GPR158: variants seen among roughly 807,000 people sequenced by gnomAD.
GPR158 encodes G protein-coupled receptor 158.
Under a neutral mutation model 78.2 loss-of-function variants are expected in GPR158, and 30 were observed. That is an observed-to-expected ratio of 0.38 (90% CI 0.29 to 0.52). GPR158 has a LOEUF of 0.52. Ranked by LOEUF, GPR158 falls within the 20% of genes least tolerant of loss-of-function variation. The pLI is 0.83. For synonymous variants in GPR158, 581 were observed against 591.1 expected (o/e 0.98, Z 0.25); for missense variants, 1,463 against 1,523.5 (o/e 0.96, Z 0.66).
At chr10:25,304,606 G>T (rs573517574) in intron 2 of GPR158, among the ~76,000 whole-genome samples, 57 of 152,038 alleles carry the variant, frequency 3.7e-4, no homozygotes, top group South Asian at 4.2e-4. Context: ...TCTATATATA[G>T]AGAGAGATTT....
chr10:25,598,085 C>T lies in GPR158; in HGVS notation c.2459C>T (p.Thr820Ile). The change falls in exon 11 of 11, where the codon ACT becomes ATT. Residue 820 changes from threonine to isoleucine, a missense_variant. Coordinates refer to ENST00000376351, the MANE Select transcript of GPR158 (RefSeq NM_020752.3). ...RVFSLKKSHS[T>I]YDHVRDQTEE... ...TTCTCACTCAAGAAATCCCACAGCA[C>T]TTATGACCACGTGAGAGACCAAACG... The T allele has an allele frequency of 6.2e-7, 1 of 1,614,030 alleles. No individual in the cohort carries two copies. Among genetic ancestry groups the T allele is most frequent in the Non-Finnish European group, 8.5e-7 (1 of 1,180,002 alleles).
At chr10:25,405,082 C>G (rs1253135544) in intron 3 of GPR158, among the ~76,000 whole-genome samples, 1 of 151,986 alleles carries the variant, frequency 6.6e-6, no homozygotes, top group East Asian at 1.9e-4. Context: ...ATTGCAATCG[C>G]TATGAAAGAA....
rs1018336537 is a variant in GPR158 at position 25,601,678 on chromosome 10, G to A, written c.*2404G>A. 4 of 152,574 alleles carry A rather than the reference G, an allele frequency of 2.6e-5. No individual in the cohort carries two copies. The highest frequency in any genetic ancestry group is 5.9e-5 in the Non-Finnish European group (4 of 68,024). 9.5% of individuals were successfully genotyped at this position (152,574 alleles called of 1,614,324 possible). The stretch of plus-strand genomic sequence containing the variant: ...AGAGTTTCATTGCCATTATCAACAA[G>A]AGAAGTTGAAATTTACAAGTCAGGA... On this transcript the variant is annotated 3_prime_UTR_variant, in exon 11 of 11. Coordinates refer to ENST00000376351, the MANE Select transcript of GPR158 (RefSeq NM_020752.3).
intron 2 of GPR158, among the ~76,000 whole-genome samples, chr10:25,386,390 C>A (rs1834221981): frequency 1.3e-5 from 2 of 152,018 alleles, no homozygotes; most frequent in Admixed American, 6.5e-5. Context: ...CAACTTAGTT[C>A]TTTTTCAAGA....
chr10:25,285,495 G>A (rs745347629), intron 2 of GPR158, among the ~76,000 whole-genome samples: 10 of 152,170 alleles, frequency 6.6e-5, no homozygotes, highest in Non-Finnish European at 1.3e-4. Flanking sequence ...AGAACCTCAG[G>A]AGGCACTAGT....
chr10:25,286,045 T>A (rs1854347116), intron 2 of GPR158, among the ~76,000 whole-genome samples: 1 of 152,188 alleles, frequency 6.6e-6, no homozygotes, highest in African/African-American at 2.4e-5. Flanking sequence ...TTTTCTCTGG[T>A]GACGTTCAAT....
rs1270781245 is a variant in GPR158, at chr10:25,176,008, C to T, written c.588C>T (p.Arg196=). 1.2e-6 allele frequency: 2 copies of T among 1,612,606 alleles called. No individual in the cohort carries two copies. Among genetic ancestry groups the T allele is most frequent in the Middle Eastern group, 3.3e-4 (2 of 6,062 alleles). ...PAPQVFLQAT[R]EESRILLQDL... ...CACAGGTCTTCCTCCAGGCCACGCGCGAGGAGAGCCGCATCCTGCTCCAAG... is the reference window on the plus strand; with the variant it reads ...CACAGGTCTTCCTCCAGGCCACGCGTGAGGAGAGCCGCATCCTGCTCCAAG... Residue 196 remains arginine, a synonymous_variant, in exon 1 of 11, where the codon CGC becomes CGT. Coordinates refer to ENST00000376351, the MANE Select transcript of GPR158 (RefSeq NM_020752.3). The surrounding 1 kb of genome is among the most constrained non-coding windows in gnomAD (Gnocchi z 6.3).
chr10:25,193,756 C>T (rs1852806791), intron 1 of GPR158, among the ~76,000 whole-genome samples: 1 of 152,136 alleles, frequency 6.6e-6, no homozygotes, highest in African/African-American at 2.4e-5. Context: ...CTGCCCACTG[C>T]CTCCTTAGCT....
At chr10:25,451,966 T>A (rs974384567) in intron 4 of GPR158, among the ~76,000 whole-genome samples, 17 of 152,158 alleles carry the variant, frequency 1.1e-4, no homozygotes, top group African/African-American at 4.1e-4. Context: ...AGTAGAGTTG[T>A]TCTAGATGGA....
intron 4 of GPR158, among the ~76,000 whole-genome samples, chr10:25,433,557 G>GTT (rs71508735): frequency 2.0e-4 from 29 of 143,110 alleles, no homozygotes; most frequent in South Asian, 9.1e-4. Context: ...TTGTGTGTGT[G>GTT]TGTGTGTGTG....
intron 4 of GPR158, among the ~76,000 whole-genome samples, chr10:25,441,949 A>G (rs1327019561): frequency 2.0e-5 from 3 of 152,150 alleles, no homozygotes; most frequent in Non-Finnish European, 2.9e-5. Context: ...GTGAATGGAG[A>G]GTTTAAGGGC....
intron 2 of GPR158, among the ~76,000 whole-genome samples, chr10:25,253,645 A>G (rs1481919307): frequency 6.6e-6 from 1 of 152,194 alleles, no homozygotes; most frequent in Non-Finnish European, 1.5e-5. Flanking sequence ...ACATTTTCCA[A>G]TGAATGATGC....
chr10:25,367,527 A>G (rs1855741533), intron 2 of GPR158, among the ~76,000 whole-genome samples: 1 of 151,808 alleles, frequency 6.6e-6, no homozygotes, highest in Non-Finnish European at 1.5e-5. Flanking sequence ...TAGTTTGTCA[A>G]TTTGGAAGTT....
At chr10:25,499,997 C>A (rs1835932014) in intron 5 of GPR158, among the ~76,000 whole-genome samples, 1 of 152,208 alleles carries the variant, frequency 6.6e-6, no homozygotes, top group Non-Finnish European at 1.5e-5. Context: ...AGGTTGATTG[C>A]CTTCACTTGA....
At chr10:25,415,053 A>C (rs1314370115) in intron 4 of GPR158, among the ~76,000 whole-genome samples, 1 of 152,148 alleles carries the variant, frequency 6.6e-6, no homozygotes, top group East Asian at 1.9e-4. Context: ...TCGAAATGAG[A>C]GAGTAAAAAC....
At chr10:25,528,655 C>T (rs1564480631) in intron 5 of GPR158, among the ~76,000 whole-genome samples, 1 of 152,080 alleles carries the variant, frequency 6.6e-6, no homozygotes, top group Non-Finnish European at 1.5e-5. Context: ...AATAGAGAAA[C>T]ACATGATGTT....
At chr10:25,564,437 T>C (rs550978657) in intron 6 of GPR158, among the ~76,000 whole-genome samples, 27 of 152,218 alleles carry the variant, frequency 1.8e-4, no homozygotes, top group Non-Finnish European at 2.1e-4. Context: ...GTCTTAACCA[T>C]TATTCATTGT....
chr10:25,192,259 G>C (rs1002231575), intron 1 of GPR158, among the ~76,000 whole-genome samples: 2 of 152,166 alleles, frequency 1.3e-5, no homozygotes, highest in African/African-American at 4.8e-5. Flanking sequence ...AAGGTGCCTT[G>C]CTTCTCCTTC....
intron 2 of GPR158, among the ~76,000 whole-genome samples, chr10:25,361,894 A>G (rs1466770028): frequency 6.6e-6 from 1 of 151,890 alleles, no homozygotes; most frequent in Non-Finnish European, 1.5e-5. Context: ...TTTCATATAT[A>G]TGATTTGCAA....
Sources: gnomAD v4.1 joint callset for allele counts (sites outside exome capture counted in the v4.1 genomes callset) on GRCh38, gnomAD v4.1.1 for gene constraint, Gnocchi (gnomAD v3.1) non-coding constraint, MANE v1.5 for transcripts, NCBI Gene and HGNC (gene_info 2026-07-23, HGNC 2026-07-21) for gene names.